The following PACSIN1 variants were observed in gnomAD, a reference collection of about 807,000 sequenced individuals.
PACSIN1 encodes protein kinase C and casein kinase substrate in neurons protein 1.
In PACSIN1, 15 loss-of-function variants were observed where a neutral mutation model predicts 59.5. The observed-to-expected ratio is 0.25, with a 90% CI of 0.17 to 0.39. The LOEUF is 0.39. Among genes scored for constraint, PACSIN1 ranks in the 10% least tolerant of loss-of-function variants. The pLI is 1.00. For synonymous variants in PACSIN1, 210 were observed against 220.6 expected, an observed-to-expected ratio of 0.95 and a Z score of 0.42; for missense variants, 420 against 580.2, an observed-to-expected ratio of 0.72 and a Z score of 2.84.
chr6:34,469,595 G>A (rs903421585), intron 1 of PACSIN1, among the ~76,000 whole-genome samples: 1 of 152,222 alleles, frequency 6.6e-6, no homozygotes, highest in Non-Finnish European at 1.5e-5. Context: ...TGGCCTTTCA[G>A]GTCATGTCCA....
Position 34,530,534 on chromosome 6 carries a change from G to T in PACSIN1, c.984G>T (p.Leu328=). The part of the protein sequence containing the change: ...KQPKKAEGVA[L]TNATGAVEST... ...CTAAGAAGGCAGAGGGAGTGGCGCT[G>T]ACCAATGCCACTGGGGCGGTAGAGT... Residue 328 remains leucine (L), a synonymous_variant, in exon 8 of 10, where the codon CTG becomes CTT. Coordinates refer to ENST00000244458, the MANE Select transcript of PACSIN1 (RefSeq NM_020804.5). This position sits in a 1 kb window ranked among gnomAD's most constrained non-coding sequence, Gnocchi z 4.4. 6.2e-7 allele frequency: 1 copy of T among 1,609,164 alleles called. No homozygotes were observed. Among genetic ancestry groups the T allele is most frequent in the South Asian group, 1.1e-5 (1 of 90,496 alleles).
In PACSIN1 at chr6:34,501,739, A is replaced by T. The variant is rs113387944; in HGVS notation, c.-63-24504A>T. 5.8e-3 allele frequency among the ~76,000 whole-genome samples: 876 copies of T among 152,312 alleles called. 8 individuals carry two copies. Among genetic ancestry groups the T allele is most frequent in the African/African-American group, 0.02 (834 of 41,568 alleles). ...CTTTCAGAAAGGTAGGTTATTAAAA[A>T]ATGCTAATTTGGCTGGGTGCGGTGG... On this transcript the variant is annotated intron_variant, in intron 1 of 9. Transcript: ENST00000244458.
chr6:34,526,857 G>A lies in PACSIN1; in HGVS notation c.64-475G>A, dbSNP rs147474836. Among the ~76,000 whole-genome samples the A allele has an allele frequency of 2.7e-4, 41 of 152,232 alleles. 1 individual carries two copies. The highest frequency in any genetic ancestry group is 7.9e-4 in the African/African-American group (33 of 41,520). The stretch of plus-strand genomic sequence containing the variant: ...ACCTGGAGAAAAAAAATTGCTATTG[G>A]CTCCGGAAACCCAAGACGAAAACTG... On this transcript the variant is annotated intron_variant, in intron 2 of 9. Transcript: ENST00000244458.
chr6:34,520,668 G>A (rs1234568202), intron 1 of PACSIN1, among the ~76,000 whole-genome samples: 1 of 152,188 alleles, frequency 6.6e-6, no homozygotes, highest in East Asian at 1.9e-4. Context: ...GCTCAAAAAT[G>A]GTTGTGTTGT....
chr6:34,478,667 A>T (rs549528631), intron 1 of PACSIN1, among the ~76,000 whole-genome samples: 16 of 152,320 alleles, frequency 1.1e-4, no homozygotes, highest in Non-Finnish European at 1.9e-4. Flanking sequence ...CACCACACTC[A>T]GCCTATTTAT....
At position 34,521,877 on chromosome 6, in the gene PACSIN1, C is replaced by T. The variant is rs557318206; in HGVS notation, c.-63-4366C>T. On this transcript the variant is annotated intron_variant, in intron 1 of 9. Transcript: ENST00000244458. This position sits in a 1 kb window ranked among gnomAD's most constrained non-coding sequence, Gnocchi z 4.3. The stretch of plus-strand genomic sequence containing the variant: ...CTGGGAAGAGGGAGAGAGCCACACA[C>T]GGTCTCACAGCCCATACATGAGAGA... Among the ~76,000 whole-genome samples the T allele has an allele frequency of 9.9e-5, 15 of 152,264 alleles. No homozygotes were observed. The highest frequency in any genetic ancestry group is 2.6e-4 in the African/African-American group (11 of 41,550).
intron 1 of PACSIN1, among the ~76,000 whole-genome samples, chr6:34,501,099 C>T (rs1767016368): frequency 6.6e-6 from 1 of 152,198 alleles, no homozygotes; most frequent in Admixed American, 6.5e-5. Context: ...GTTTTGTTTT[C>T]TTATCATTTG....
chr6:34,529,476 C>T lies in PACSIN1; in HGVS notation c.536C>T (p.Thr179Met), dbSNP rs138349270. The change falls in exon 5 of 10, where the codon ACG becomes ATG. Residue 179 changes from threonine (T) to methionine (M), a missense_variant. By Grantham distance (81) the Thr-to-Met change is moderately conservative. Coordinates refer to ENST00000244458, the MANE Select transcript of PACSIN1 (RefSeq NM_020804.5). The surrounding 1 kb of genome is among the most constrained non-coding windows in gnomAD (Gnocchi z 6.3). ...ATGACACGGGAGATGAACAGCAAGA[C>T]GGAGCAATCGGTCACACCTGAGCAG... Reference protein sequence around the residue: ...LAMTREMNSKTEQSVTPEQQK... With the variant: ...LAMTREMNSKMEQSVTPEQQK... 93 of 1,614,026 alleles carry T rather than the reference C, an allele frequency of 5.8e-5. No homozygotes were observed. Among genetic ancestry groups the T allele is most frequent in the East Asian group, 2.0e-4 (9 of 44,876 alleles).
chr6:34,508,677 AC>A (rs1767152860), intron 1 of PACSIN1, among the ~76,000 whole-genome samples: 1 of 152,190 alleles, frequency 6.6e-6, no homozygotes, highest in East Asian at 1.9e-4. Context: ...CCTTGCCAAC[AC>A]TTATTTTATT....
Position 34,530,238 on chromosome 6 carries a change from C to A in PACSIN1, c.789-5C>A. The A allele has an allele frequency of 6.2e-7, 1 of 1,609,418 alleles. No homozygotes were observed. On this transcript the variant is annotated splice_region_variant and splice_polypyrimidine_tract_variant and intron_variant, in intron 6 of 9. Transcript: ENST00000244458. The surrounding 1 kb of genome is among the most constrained non-coding windows in gnomAD (Gnocchi z 4.4). ...CCTCCACCTCCCCCATCTCCCTGAG[C>A]ACAGCTACATCCATGTGTACCGTGA...
rs146722612 is a variant in PACSIN1, at chr6:34,514,562, T to C, written c.-63-11681T>C. Among the ~76,000 whole-genome samples, 8 of 151,930 alleles carry C rather than the reference T, an allele frequency of 5.3e-5. No individual in the cohort carries two copies. The East Asian group carries it at 1.4e-3, about 26-fold the overall frequency. On this transcript the variant is annotated intron_variant, in intron 1 of 9. Transcript: ENST00000244458. The surrounding 1 kb of genome is among the most constrained non-coding windows in gnomAD (Gnocchi z 4.4). The stretch of plus-strand genomic sequence containing the variant: ...AAGGTGCAGCTGTCTGGAAGGACGA[T>C]TGGGAGGTGGGATCTTGGGGAGAAA...
In PACSIN1 at chr6:34,488,107, C is replaced by A. The variant is rs531117226; in HGVS notation, c.-64+21837C>A. On this transcript the variant is annotated intron_variant, in intron 1 of 9. Coordinates refer to ENST00000244458, the MANE Select transcript of PACSIN1 (RefSeq NM_020804.5). The surrounding 1 kb of genome is among the most constrained non-coding windows in gnomAD (Gnocchi z 4.7). ...TCAATGACCCTGACCTTGGCCAGCA[C>A]CTCTGTTGGTCTGGGTGGCTTCCCT... 6.6e-6 allele frequency among the ~76,000 whole-genome samples: 1 copy of A among 152,234 alleles called. No individual in the cohort carries two copies. Among genetic ancestry groups the A allele is most frequent in the South Asian group, 2.1e-4 (1 of 4,816 alleles).
chr6:34,493,620 C>T (rs939691827), intron 1 of PACSIN1, among the ~76,000 whole-genome samples: 1 of 152,246 alleles, frequency 6.6e-6, no homozygotes, highest in Admixed American at 6.5e-5. Flanking sequence ...CCAGACATCA[C>T]TGATTCTGTT....
chr6:34,527,129 G>C (rs1402173133), intron 2 of PACSIN1, among the ~76,000 whole-genome samples: 3 of 151,184 alleles, frequency 2.0e-5, no homozygotes, highest in Non-Finnish European at 1.5e-5. Context: ...GCCTGAGGCA[G>C]GGTGCTGGAG....
At chr6:34,475,236 C>A (rs1235026116) in intron 1 of PACSIN1, among the ~76,000 whole-genome samples, 1 of 152,196 alleles carries the variant, frequency 6.6e-6, no homozygotes, top group African/African-American at 2.4e-5. Context: ...ACCCCTCACC[C>A]CTGCCCACAG....
chr6:34,531,533 G>A lies in PACSIN1; in HGVS notation c.1038-67G>A. ...TTCGGGATCAGGGCTCTGATTAGGA[G>A]GAGCGGTTAGCCCTCGGGATGCGGT... is the stretch of plus-strand genomic sequence containing the variant. On this transcript the variant is annotated intron_variant, in intron 8 of 9. Transcript: ENST00000244458. The surrounding 1 kb of genome is among the most constrained non-coding windows in gnomAD (Gnocchi z 4.4). The A allele has an allele frequency of 6.6e-7, 1 of 1,511,850 alleles. No individual in the cohort carries two copies. The highest frequency in any genetic ancestry group is 1.2e-5 in the South Asian group (1 of 85,370). The allele number at this position is 1,511,850 out of a possible 1,614,324, so 93.7% of individuals were successfully genotyped here. A position where few individuals can be genotyped will look rare whatever the true frequency, so the allele number is the denominator to read the frequency against.
chr6:34,497,645 ACT>A (rs1169510574), intron 1 of PACSIN1, among the ~76,000 whole-genome samples: 2 of 151,424 alleles, frequency 1.3e-5, no homozygotes, highest in Non-Finnish European at 2.9e-5. Flanking sequence ...ACTGTCCATC[ACT>A]CTGTTGCCAT....
intron 1 of PACSIN1, among the ~76,000 whole-genome samples, chr6:34,512,715 A>T (rs1385705856): frequency 6.6e-6 from 1 of 152,212 alleles, no homozygotes; most frequent in East Asian, 1.9e-4. Context: ...GACTTTGAGT[A>T]CTTACGATCT....
At chr6:34,470,972 T>C (rs1157072243) in intron 1 of PACSIN1, among the ~76,000 whole-genome samples, 2 of 151,860 alleles carry the variant, frequency 1.3e-5, no homozygotes, top group Admixed American at 1.3e-4. Flanking sequence ...TGAGATGGAG[T>C]TTTGCTCTTG....
Sources: allele counts gnomAD v4.1 joint callset (sites outside exome capture counted in the v4.1 genomes callset), GRCh38; gene constraint gnomAD v4.1.1; non-coding constraint Gnocchi (gnomAD v3.1); transcripts MANE v1.5; gene names NCBI Gene and HGNC (gene_info 2026-07-23, HGNC 2026-07-21).